ZSWIM6: variants seen among roughly 807,000 people sequenced by gnomAD.
The protein encoded by ZSWIM6 is zinc finger SWIM-type containing 6.
Under a neutral mutation model 113.2 loss-of-function variants are expected in ZSWIM6, and 9 were observed. The ratio of observed to expected loss-of-function variants is 0.08; its 90% CI spans 0.05 to 0.14. The LOEUF (loss-of-function observed/expected upper bound fraction) is 0.14, where lower values mean the gene tolerates loss of function less well. Ranked by LOEUF, ZSWIM6 falls within the 10% of genes least tolerant of loss-of-function variation. ZSWIM6 has a pLI of 1.00. For synonymous variants in ZSWIM6, 611 were observed against 606.5 expected (o/e 1.01, Z -0.11); for missense variants, 1,162 against 1,552.2 (o/e 0.75, Z 4.22).
chr5:61,419,296 T>C (rs1746311315), intron 1 of ZSWIM6, among the ~76,000 whole-genome samples: 1 of 152,246 alleles, frequency 6.6e-6, no homozygotes, highest in Non-Finnish European at 1.5e-5. Context: ...TTTAGAAAGA[T>C]TGAAAGATAA....
At chr5:61,401,027 A>G (rs935280161) in intron 1 of ZSWIM6, among the ~76,000 whole-genome samples, 1 of 152,132 alleles carries the variant, frequency 6.6e-6, no homozygotes, top group Non-Finnish European at 1.5e-5. Context: ...TTCTGTTTTG[A>G]AAATTCTGTA....
chr5:61,418,617 T>C (rs1262054146), intron 1 of ZSWIM6, among the ~76,000 whole-genome samples: 1 of 151,902 alleles, frequency 6.6e-6, no homozygotes, highest in East Asian at 1.9e-4. Context: ...GAGTGAGGGG[T>C]CAAGACACAG....
In ZSWIM6 at chr5:61,543,201, A is replaced by G. The variant is rs1749788681; in HGVS notation, c.2786-254A>G. ...CTGAAATGGCAAGCAGCACAGTACAAATACCAGCTACCAAGAGGATTGGTT... is the reference window on the plus strand; with the variant it reads ...CTGAAATGGCAAGCAGCACAGTACAGATACCAGCTACCAAGAGGATTGGTT... On this transcript the variant is annotated intron_variant, in intron 13 of 13. Coordinates refer to ENST00000252744, the MANE Select transcript of ZSWIM6 (RefSeq NM_020928.2). This position sits in a 1 kb window ranked among gnomAD's most constrained non-coding sequence, Gnocchi z 4.3. Among the ~76,000 whole-genome samples, 1 of 149,928 alleles carries G rather than the reference A, an allele frequency of 6.7e-6. No individual in the cohort carries two copies. Among genetic ancestry groups the G allele is most frequent in the Non-Finnish European group, 1.5e-5 (1 of 67,178 alleles).
chr5:61,345,708 C>T (rs895636506), intron 1 of ZSWIM6, among the ~76,000 whole-genome samples: 13 of 152,118 alleles, frequency 8.5e-5, no homozygotes, highest in African/African-American at 2.4e-4. Flanking sequence ...GGCAGGATAA[C>T]GTTTAGTAGT....
intron 1 of ZSWIM6, among the ~76,000 whole-genome samples, chr5:61,379,185 G>GA (rs1211778480): frequency 0.3 from 11,602 of 38,290 alleles, 1,909 homozygotes; most frequent in African/African-American, 0.4. Context: ...TCCTGTCTCT[G>GA]AAAAAAAAAA....
At chr5:61,533,542 A>G (rs1237025904) in intron 9 of ZSWIM6, among the ~76,000 whole-genome samples, 1 of 152,246 alleles carries the variant, frequency 6.6e-6, no homozygotes, top group African/African-American at 2.4e-5. Context: ...TCCAGGAATT[A>G]CACTAATTAT....
At chr5:61,351,017 A>G (rs1284174928) in intron 1 of ZSWIM6, among the ~76,000 whole-genome samples, 1 of 152,232 alleles carries the variant, frequency 6.6e-6, no homozygotes, top group Non-Finnish European at 1.5e-5. Context: ...TTTCATAATT[A>G]GAGAAAGGAA....
At chr5:61,494,146 GGAGA>G (rs1554038307) in intron 3 of ZSWIM6, 110 bp from the exon 4 acceptor site, 54 of 652,806 alleles carry the variant, frequency 8.3e-5, no homozygotes, top group East Asian at 2.5e-4. Context: ...ACACACACAC[GGAGA>G]GAGAGAGAGA....
chr5:61,467,222 A>G (rs1394308085), intron 1 of ZSWIM6, among the ~76,000 whole-genome samples: 2 of 152,348 alleles, frequency 1.3e-5, no homozygotes, highest in African/African-American at 4.8e-5. Context: ...TATGTTTGAA[A>G]TTAAAAAGAA....
intron 1 of ZSWIM6, among the ~76,000 whole-genome samples, chr5:61,394,550 G>A (rs1208033284): frequency 6.6e-6 from 1 of 152,166 alleles, no homozygotes; most frequent in Admixed American, 6.5e-5. Context: ...CTCACTGGGT[G>A]GAAAGTAAGA....
chr5:61,495,334 C>G (rs1346355282), intron 4 of ZSWIM6, among the ~76,000 whole-genome samples: 2 of 152,086 alleles, frequency 1.3e-5, no homozygotes, highest in East Asian at 3.9e-4. Context: ...AATAAGGAAA[C>G]AAGTCCCGAG....
At chr5:61,338,559 T>C (rs1744456332) in intron 1 of ZSWIM6, among the ~76,000 whole-genome samples, 1 of 152,226 alleles carries the variant, frequency 6.6e-6, no homozygotes, top group African/African-American at 2.4e-5. Flanking sequence ...CTTAGTGTTG[T>C]TCTGAAGGAA....
chr5:61,509,342 A>T (rs1580051631), intron 4 of ZSWIM6, among the ~76,000 whole-genome samples: 1 of 152,322 alleles, frequency 6.6e-6, no homozygotes, highest in Admixed American at 6.5e-5. Context: ...AAGACTATGG[A>T]ACCTGGGCAT....
At chr5:61,348,463 T>A (rs1031366391) in intron 1 of ZSWIM6, among the ~76,000 whole-genome samples, 1 of 152,082 alleles carries the variant, frequency 6.6e-6, no homozygotes, top group Non-Finnish European at 1.5e-5. Flanking sequence ...ACATCTAGAT[T>A]TTCCCCCTTC....
intron 9 of ZSWIM6, 63 bp downstream of exon 9, chr5:61,531,788 A>G: frequency 6.6e-7 from 1 of 1,514,532 alleles, no homozygotes; most frequent in Non-Finnish European, 8.9e-7. Flanking sequence ...AATCTTTCTT[A>G]TGTTAAAAGT....
intron 4 of ZSWIM6, 113 bp downstream of exon 4, chr5:61,494,523 G>T: frequency 7.4e-7 from 1 of 1,356,062 alleles, no homozygotes; most frequent in African/African-American, 1.4e-5. Context: ...CTCATGCATG[G>T]AACGTGTTGC....
intron 1 of ZSWIM6, among the ~76,000 whole-genome samples, chr5:61,459,782 A>G (rs1182327415): frequency 6.6e-6 from 1 of 152,126 alleles, no homozygotes; most frequent in Non-Finnish European, 1.5e-5. Context: ...ATAGCCATGG[A>G]TCTCTGTTGT....
At chr5:61,378,653 T>G (rs1487346545) in intron 1 of ZSWIM6, among the ~76,000 whole-genome samples, 1 of 152,102 alleles carries the variant, frequency 6.6e-6, no homozygotes, top group East Asian at 1.9e-4. Flanking sequence ...CCTCCCAGGT[T>G]CAATCGGTTT....
At chr5:61,337,821 T>G (rs1287867553) in intron 1 of ZSWIM6, among the ~76,000 whole-genome samples, 1 of 152,154 alleles carries the variant, frequency 6.6e-6, no homozygotes, top group Non-Finnish European at 1.5e-5. Flanking sequence ...TGGTCAAGGT[T>G]TTTGGGGGGG....
Sources: allele counts gnomAD v4.1 joint callset (sites outside exome capture counted in the v4.1 genomes callset), GRCh38; gene constraint gnomAD v4.1.1; non-coding constraint Gnocchi (gnomAD v3.1); transcripts MANE v1.5; gene names NCBI Gene and HGNC (gene_info 2026-07-23, HGNC 2026-07-21).